LIMK1: variants seen among roughly 807,000 people sequenced by gnomAD.
LIMK1 encodes the protein LIM domain kinase 1.
A neutral mutation model predicts 77.6 loss-of-function variants in LIMK1; 21 were observed. The observed-to-expected ratio is 0.27, with a 90% CI of 0.19 to 0.39. The LOEUF is 0.39. LIMK1 is among the 10% of genes least tolerant of loss of function. LIMK1 has a pLI of 1.00. For synonymous variants in LIMK1, 358 were observed against 370.0 expected (o/e 0.97, Z 0.37); for missense variants, 696 against 901.6 (o/e 0.77, Z 2.92).
chr7:74,086,048 A>AT (rs1303354593), intron 2 of LIMK1, among the ~76,000 whole-genome samples: 19 of 151,116 alleles, frequency 1.3e-4, no homozygotes, highest in East Asian at 1.9e-4. Flanking sequence ...TTATTTATCT[A>AT]TTTTTTTTTC....
At chr7:74,091,907 T>C (rs1378008122) in intron 2 of LIMK1, among the ~76,000 whole-genome samples, 1 of 141,332 alleles carries the variant, frequency 7.1e-6, no homozygotes, top group African/African-American at 2.6e-5. Context: ...TGGCCAGGGG[T>C]GCATAGAGCC....
chr7:74,108,107 T>TG, intron 9 of LIMK1, 150 bp downstream of exon 9: 2 of 642,666 alleles, frequency 3.1e-6, no homozygotes, highest in Non-Finnish European at 5.6e-6. Flanking sequence ...ATCCCAACAC[T>TG]TTGGGAGGTT....
chr7:74,120,546 A>G, intron 13 of LIMK1, 37 bp from the exon 14 acceptor site: 2 of 1,611,264 alleles, frequency 1.2e-6, no homozygotes, highest in East Asian at 2.2e-5. Context: ...TGGCACCCCC[A>G]TGTGTTCATC....
In LIMK1 at chr7:74,107,114, G is replaced by A. The variant is rs11541656; in HGVS notation, c.986G>A (p.Arg329Gln). The A allele has an allele frequency of 1.7e-5, 27 of 1,612,898 alleles. No homozygotes were observed. Among genetic ancestry groups the A allele is most frequent in the Middle Eastern group, 1.7e-4 (1 of 6,044 alleles). Residue 329 changes from arginine to glutamine, a missense_variant, in exon 8 of 16, where the codon CGG becomes CAG. Transcript: ENST00000336180. ...GRSESLRVVC[R>Q]PHRIFRPSDL... The stretch of plus-strand genomic sequence containing the variant: ...TCTGAGTCCCTCCGCGTAGTCTGCC[G>A]GCCACACCGCATCTTCCGGCCGTCG...
At chr7:74,112,046 C>A in intron 12 of LIMK1, 48 bp downstream of exon 12, 2 of 1,417,642 alleles carry the variant, frequency 1.4e-6, no homozygotes, top group Non-Finnish European at 1.9e-6. Context: ...ACAGCAGGAG[C>A]CCATCCAACC....
chr7:74,102,439 A>ACT (rs1485348447), intron 5 of LIMK1, among the ~76,000 whole-genome samples: 3 of 133,644 alleles, frequency 2.2e-5, no homozygotes, highest in African/African-American at 8.3e-5. Context: ...GGGATCATTG[A>ACT]CTCCCCCACA....
At position 74,115,791 on chromosome 7, in the gene LIMK1, C is replaced by T. The variant is rs1369706370; in HGVS notation, c.1411-11C>T. 6.2e-7 allele frequency: 1 copy of T among 1,613,104 alleles called. No homozygotes were observed. The highest frequency in any genetic ancestry group is 8.5e-7 in the Non-Finnish European group (1 of 1,179,460). Reference sequence around the variant, plus strand: ...ATCGGGTCCCAGCATGACCCGGCTTCACCTTCCCAGAACAAGAATGTGGTG... The same window carrying T: ...ATCGGGTCCCAGCATGACCCGGCTTTACCTTCCCAGAACAAGAATGTGGTG... On this transcript the variant is annotated splice_polypyrimidine_tract_variant and intron_variant, in intron 12 of 15. Coordinates refer to ENST00000336180, the MANE Select transcript of LIMK1 (RefSeq NM_002314.4).
chr7:74,115,735 G>A, intron 12 of LIMK1, 67 bp from the exon 13 acceptor site: 1 of 1,565,314 alleles, frequency 6.4e-7, no homozygotes, highest in Middle Eastern at 1.7e-4. Context: ...TGGGGTCCTG[G>A]GGAGGGGCAG....
chr7:74,093,256 T>C (rs1366629858), intron 2 of LIMK1: 2 of 1,536,010 alleles, frequency 1.3e-6, no homozygotes, highest in Non-Finnish European at 8.7e-7. Flanking sequence ...GAGGATGCTG[T>C]TGGCTTCAGC....
Position 74,118,309 on chromosome 7 carries a change from G to A in LIMK1, c.1568-2274G>A, listed in dbSNP as rs146785082. Among the ~76,000 whole-genome samples the A allele has an allele frequency of 9.1e-3, 1,308 of 143,422 alleles. 18 individuals are homozygous for A. The highest frequency in any genetic ancestry group is 0.03 in the African/African-American group (1,169 of 38,356). The allele number at this position is 143,422 out of a possible 152,430, so 94.1% of individuals were successfully genotyped here. A position where few individuals can be genotyped will look rare whatever the true frequency, so the allele number is the denominator to read the frequency against. Reference sequence around the variant, plus strand: ...GGAGAATGATGTGAACCCAGGAGGCGGAGCTTGCAGTGAGCCGAGATCGCA... The same window carrying A: ...GGAGAATGATGTGAACCCAGGAGGCAGAGCTTGCAGTGAGCCGAGATCGCA... On this transcript the variant is annotated intron_variant, in intron 13 of 15. Coordinates refer to ENST00000336180, the MANE Select transcript of LIMK1 (RefSeq NM_002314.4).
At chr7:74,104,712 T>C (rs1799531586) in intron 5 of LIMK1, among the ~76,000 whole-genome samples, 1 of 152,160 alleles carries the variant, frequency 6.6e-6, no homozygotes. Flanking sequence ...TTGGTCTTTT[T>C]GTGAGTTAGC....
At chr7:74,103,920 G>A (rs1442580722) in intron 5 of LIMK1, among the ~76,000 whole-genome samples, 3 of 151,798 alleles carry the variant, frequency 2.0e-5, no homozygotes, top group Admixed American at 2.0e-4. Flanking sequence ...TCAGCCTCTC[G>A]AGTAGCTGGG....
chr7:74,111,583 A>G, intron 10 of LIMK1, 65 bp from the exon 11 acceptor site: 2 of 1,370,896 alleles, frequency 1.5e-6, no homozygotes, highest in Non-Finnish European at 2.0e-6. Flanking sequence ...CCTCTGTCTC[A>G]TGCAACCATC....
chr7:74,083,864 C>T lies in LIMK1; in HGVS notation c.-127C>T, dbSNP rs1264656667. Reference sequence around the variant, plus strand: ...TTCCCCGCCGGTGTCCGAGAGGCGCCCCCGGCCCGGCCCGGCCCGGCCCGC... The same window carrying T: ...TTCCCCGCCGGTGTCCGAGAGGCGCTCCCGGCCCGGCCCGGCCCGGCCCGC... On this transcript the variant is annotated 5_prime_UTR_variant, in exon 1 of 16. Coordinates refer to ENST00000336180, the MANE Select transcript of LIMK1 (RefSeq NM_002314.4). 17 of 148,046 alleles carry T rather than the reference C, an allele frequency of 1.1e-4. No individual in the cohort carries two copies. The highest frequency in any genetic ancestry group is 4.2e-4 in the African/African-American group (17 of 40,920). 9.2% of individuals were successfully genotyped at this position (148,046 alleles called of 1,614,324 possible).
intron 12 of LIMK1, 58 bp downstream of exon 12, chr7:74,112,056 C>T: frequency 7.2e-7 from 1 of 1,385,928 alleles, no homozygotes; most frequent in Non-Finnish European, 1.0e-6. Flanking sequence ...CCCATCCAAC[C>T]CCAGCCTCAG....
rs561517693 is a variant in LIMK1 at position 74,109,174 on chromosome 7, C to T, written c.1284+138C>T. 240 of 705,306 alleles carry T rather than the reference C, an allele frequency of 3.4e-4. No individual in the cohort carries two copies. The African/African-American group carries it at 3.8e-3, about 11-fold the overall frequency. 43.7% of individuals were successfully genotyped at this position (705,306 alleles called of 1,614,324 possible). On this transcript the variant is annotated intron_variant, in intron 10 of 15. Transcript: ENST00000336180. ...GGCCCTCTGAACCCTGATTCCTAAT[C>T]AAAAAGGGGAGCGACTGACTCCATC...
chr7:74,096,567 A>G lies in LIMK1; in HGVS notation c.153-55A>G, dbSNP rs988807307. Reference sequence around the variant, plus strand: ...GTGCCTGTAGCCGAGGCAGGGGCCCAGGTGAGGTGGAGGAGGGCGGGAGTG... The same window carrying G: ...GTGCCTGTAGCCGAGGCAGGGGCCCGGGTGAGGTGGAGGAGGGCGGGAGTG... On this transcript the variant is annotated intron_variant, in intron 2 of 15. Transcript: ENST00000336180. 58 of 1,608,552 alleles carry G rather than the reference A, an allele frequency of 3.6e-5. 2 individuals carry two copies. In the Admixed American group the frequency reaches 9.7e-4, roughly 27 times the overall value.
rs1563927802 is a variant in LIMK1 at position 74,121,963 on chromosome 7, C to G, written c.*662C>G. 1 of 152,698 alleles carries G rather than the reference C, an allele frequency of 6.5e-6. No individual in the cohort carries two copies. The highest frequency in any genetic ancestry group is 1.5e-5 in the Non-Finnish European group (1 of 68,088). The allele number at this position is 152,698 out of a possible 1,614,324, so 9.5% of individuals were successfully genotyped here. A position where few individuals can be genotyped will look rare whatever the true frequency, so the allele number is the denominator to read the frequency against. ...TTTTTTTGTTTCTTTCTTAAAGCCA[C>G]TTTAGTGAGAAGCAGGTACCAAGCC... On this transcript the variant is annotated 3_prime_UTR_variant, in exon 16 of 16. Transcript: ENST00000336180.
chr7:74,111,491 T>C, intron 10 of LIMK1, 157 bp from the exon 11 acceptor site: 1 of 656,018 alleles, frequency 1.5e-6, no homozygotes, highest in Non-Finnish European at 2.8e-6. Flanking sequence ...TCATACTCCT[T>C]AGAAGCAGAC....
Sources: gnomAD v4.1 joint callset for allele counts (sites outside exome capture counted in the v4.1 genomes callset) on GRCh38, gnomAD v4.1.1 for gene constraint, MANE v1.5 for transcripts, NCBI Gene and HGNC (gene_info 2026-07-23, HGNC 2026-07-21) for gene names.